The following DOCK3 variants were observed in gnomAD, a reference collection of about 807,000 sequenced individuals.
The protein encoded by DOCK3 is dedicator of cytokinesis 3, also known as dedicator of cytokinesis protein 3.
Under a neutral mutation model 265.6 loss-of-function variants are expected in DOCK3, and 60 were observed. That is an observed-to-expected ratio of 0.23 (90% CI 0.18 to 0.28). The LOEUF is 0.28. Ranked by LOEUF, DOCK3 falls within the 10% of genes least tolerant of loss-of-function variation. The probability of loss-of-function intolerance (pLI) is 1.00; values close to 1 mark genes in which losing one functional copy is unlikely to be tolerated. For synonymous variants in DOCK3, 881 were observed against 938.0 expected, an observed-to-expected ratio of 0.94 and a Z score of 1.11; for missense variants, 1,981 against 2,594.3, an observed-to-expected ratio of 0.76 and a Z score of 5.14.
intron 32 of DOCK3, among the ~76,000 whole-genome samples, chr3:51,319,260 A>G (rs1253313252): frequency 6.6e-6 from 1 of 152,186 alleles, no homozygotes; most frequent in Non-Finnish European, 1.5e-5. Context: ...TATTTAAGAT[A>G]AAACAGTTTG....
At position 51,016,548 on chromosome 3, in the gene DOCK3, TATATATATC is replaced by T. The variant is rs1396704652; in HGVS notation, c.316-47893_316-47885del. On this transcript the variant is annotated intron_variant, in intron 5 of 52. Transcript: ENST00000266037. ...CTATATAATATATGATATATATATTTATATATATCATATATTATATATATATTTATATAT... is the reference window on the plus strand; with the variant it reads ...CTATATAATATATGATATATATATTTATATATTATATATATATTTATATAT... Among the ~76,000 whole-genome samples the T allele has an allele frequency of 1.7e-3, 27 of 15,892 alleles. 1 individual carries two copies. The highest frequency in any genetic ancestry group is 7.7e-3 in the South Asian group (3 of 388). The allele number at this position is 15,892 out of a possible 152,430, so 10.4% of individuals were successfully genotyped here. A position where few individuals can be genotyped will look rare whatever the true frequency, so the allele number is the denominator to read the frequency against.
chr3:51,303,542 A>G (rs2082473356), intron 27 of DOCK3, among the ~76,000 whole-genome samples: 1 of 151,602 alleles, frequency 6.6e-6, no homozygotes, highest in Admixed American at 6.6e-5. Flanking sequence ...TCTCATCTTC[A>G]TGAGTTTGTC....
At chr3:51,251,554 A>G (rs1354900186) in intron 22 of DOCK3, among the ~76,000 whole-genome samples, 1 of 152,264 alleles carries the variant, frequency 6.6e-6, no homozygotes, top group Admixed American at 6.5e-5. Flanking sequence ...CTTTTTAATG[A>G]TCGCCATTCC....
At chr3:51,362,147 C>T (rs1405894994) in intron 48 of DOCK3, 150 bp downstream of exon 48, 23 of 1,036,982 alleles carry the variant, frequency 2.2e-5, no homozygotes, top group African/African-American at 2.1e-4. Context: ...AGAAAGCTGC[C>T]GTTCCTCCAC....
intron 5 of DOCK3, among the ~76,000 whole-genome samples, chr3:51,021,986 T>C (rs1166981032): frequency 2.0e-5 from 3 of 152,194 alleles, no homozygotes; most frequent in Non-Finnish European, 4.4e-5. Flanking sequence ...TTAACAATGT[T>C]AAATTATTTA....
In DOCK3 at chr3:51,310,291, T is replaced by A; in HGVS notation, c.2982T>A (p.Pro994=). The A allele has an allele frequency of 6.2e-7, 1 of 1,605,162 alleles. No individual in the cohort carries two copies. Among genetic ancestry groups the A allele is most frequent in the South Asian group, 1.1e-5 (1 of 88,740 alleles). Residue 994 remains proline (P), a synonymous_variant, in exon 28 of 53, where the codon CCT becomes CCA. Transcript: ENST00000266037. ...ACCTGATGAAGATGAGTGTCTTCCC[T>A]CGGGACTGGATGGTAATGAGACTGC... ...FRNLMKMSVF[P]RDWMVMRLLT...
At chr3:50,700,761 T>G (rs2035987302) in intron 1 of DOCK3, among the ~76,000 whole-genome samples, 1 of 152,226 alleles carries the variant, frequency 6.6e-6, no homozygotes, top group African/African-American at 2.4e-5. Context: ...AGCATCCCTT[T>G]GATATATACT....
At chr3:51,104,451 G>A (rs1307154205) in intron 9 of DOCK3, among the ~76,000 whole-genome samples, 1 of 152,190 alleles carries the variant, frequency 6.6e-6, no homozygotes, top group East Asian at 1.9e-4. Flanking sequence ...GTTCACTGTA[G>A]TAGCCATGTT....
chr3:51,023,588 G>T (rs1185977511), intron 5 of DOCK3, among the ~76,000 whole-genome samples: 1 of 151,938 alleles, frequency 6.6e-6, no homozygotes, highest in Non-Finnish European at 1.5e-5. Context: ...GCTAATTTTT[G>T]CATTTTTAAT....
chr3:50,720,202 G>A (rs1262496674), intron 1 of DOCK3, among the ~76,000 whole-genome samples: 2 of 152,032 alleles, frequency 1.3e-5, no homozygotes, highest in Non-Finnish European at 2.9e-5. Flanking sequence ...TAAATTGCGT[G>A]TTATGGAGGT....
intron 22 of DOCK3, among the ~76,000 whole-genome samples, chr3:51,249,919 G>C (rs1280720562): frequency 6.6e-6 from 1 of 150,576 alleles, no homozygotes; most frequent in Non-Finnish European, 1.5e-5. Context: ...TTTTCATTTT[G>C]TTCTGTACTA....
chr3:50,926,925 T>C (rs1191189563), intron 4 of DOCK3, among the ~76,000 whole-genome samples: 2 of 152,200 alleles, frequency 1.3e-5, no homozygotes, highest in African/African-American at 4.8e-5. Context: ...GCCAGAGTTG[T>C]TCTTTAAAAA....
chr3:51,085,539 A>G (rs1009988037), intron 7 of DOCK3, among the ~76,000 whole-genome samples: 5 of 152,228 alleles, frequency 3.3e-5, no homozygotes, highest in Non-Finnish European at 7.3e-5. Context: ...GTATAAACAC[A>G]TGGAAATTAA....
intron 27 of DOCK3, among the ~76,000 whole-genome samples, chr3:51,306,477 C>T (rs541133775): frequency 6.6e-6 from 1 of 152,114 alleles, no homozygotes; most frequent in East Asian, 1.9e-4. Flanking sequence ...AAAGTTTTTG[C>T]CCATTATTTC....
intron 5 of DOCK3, among the ~76,000 whole-genome samples, chr3:50,952,109 A>G (rs1249638875): frequency 6.6e-6 from 1 of 152,196 alleles, no homozygotes; most frequent in Admixed American, 6.5e-5. Context: ...TGTGCAGAGA[A>G]TTGGAAGAGC....
At chr3:50,728,799 T>C (rs1016689706) in intron 1 of DOCK3, among the ~76,000 whole-genome samples, 2 of 151,262 alleles carry the variant, frequency 1.3e-5, no homozygotes, top group Non-Finnish European at 2.9e-5. Flanking sequence ...CTCGGCTCAC[T>C]GCAACCTCTG....
chr3:50,783,316 T>C (rs1178322928), intron 2 of DOCK3, among the ~76,000 whole-genome samples: 1 of 152,192 alleles, frequency 6.6e-6, no homozygotes, highest in African/African-American at 2.4e-5. Flanking sequence ...TGTTCTCTTT[T>C]CACCACATCC....
In DOCK3 at chr3:51,075,315, T is replaced by C. The variant is rs951001400; in HGVS notation, c.465-41T>C. 3 of 1,535,052 alleles carry C rather than the reference T, an allele frequency of 2.0e-6. No homozygotes were observed. The African/African-American group carries it at 4.1e-5, about 21-fold the overall frequency. On this transcript the variant is annotated intron_variant, in intron 6 of 52. Transcript: ENST00000266037. Reference sequence around the variant, plus strand: ...GGCACATAAAGAGAGATAAGTAATCTGAGTACATGGCATACTGAGTGTGGT... The same window carrying C: ...GGCACATAAAGAGAGATAAGTAATCCGAGTACATGGCATACTGAGTGTGGT...
intron 5 of DOCK3, among the ~76,000 whole-genome samples, chr3:50,985,131 T>C (rs999960935): frequency 6.6e-6 from 1 of 152,244 alleles, no homozygotes; most frequent in Non-Finnish European, 1.5e-5. Context: ...GACTTACTTC[T>C]TTCACTTTTG....
Sources: gnomAD v4.1 joint callset for allele counts (sites outside exome capture counted in the v4.1 genomes callset) on GRCh38, gnomAD v4.1.1 for gene constraint, MANE v1.5 for transcripts, NCBI Gene and HGNC (gene_info 2026-07-23, HGNC 2026-07-21) for gene names.